STMN2: variants seen among roughly 807,000 people sequenced by gnomAD.
STMN2 encodes the protein stathmin-2.
A neutral mutation model predicts 24.1 loss-of-function variants in STMN2; 2 were observed. The observed-to-expected ratio is 0.08, with a 90% CI of 0.03 to 0.26. The LOEUF (loss-of-function observed/expected upper bound fraction) is 0.26. Among genes scored for constraint, STMN2 ranks in the 10% least tolerant of loss-of-function variants. The pLI is 1.00. For missense variants in STMN2, 114 were observed against 213.6 expected (o/e 0.53, Z 2.91); for synonymous variants, 83 against 77.5 (o/e 1.07, Z -0.37).
intron 1 of STMN2, among the ~76,000 whole-genome samples, chr8:79,614,017 A>G (rs1809319921): frequency 6.6e-6 from 1 of 152,176 alleles, no homozygotes; most frequent in Non-Finnish European, 1.5e-5. Context: ...TTTATGCACA[A>G]AATTTTAAGT....
chr8:79,632,119 G>A (rs926706446), intron 1 of STMN2, among the ~76,000 whole-genome samples: 3 of 152,176 alleles, frequency 2.0e-5, no homozygotes, highest in Non-Finnish European at 4.4e-5. Flanking sequence ...GGACTGCAGG[G>A]TCCATAGCTA....
intron 1 of STMN2, among the ~76,000 whole-genome samples, chr8:79,616,836 C>T (rs1344938894): frequency 1.3e-5 from 2 of 152,028 alleles, no homozygotes; most frequent in Non-Finnish European, 2.9e-5. Context: ...CGGCAGAAGA[C>T]CTTCGAGAGA....
In STMN2 at chr8:79,623,782, TA is replaced by T. The variant is rs557244487; in HGVS notation, c.19+12579del. On this transcript the variant is annotated intron_variant, in intron 1 of 4. Transcript: ENST00000220876. ...ACTAAGCAGGAGAGTTCAGCTTATT[TA>T]AAAAAAAAAATAAACTCTAATGAGG... 3.0e-3 allele frequency among the ~76,000 whole-genome samples: 448 copies of T among 147,824 alleles called. 1 individual carries two copies. The highest frequency in any genetic ancestry group is 8.7e-3 in the African/African-American group (353 of 40,524).
intron 1 of STMN2, among the ~76,000 whole-genome samples, chr8:79,629,049 T>A (rs187089177): frequency 2.8e-4 from 43 of 152,312 alleles, no homozygotes; most frequent in Admixed American, 1.8e-3. Context: ...ATTTTCAATG[T>A]CATATCTAGG....
At chr8:79,637,085 TAAC>T (rs147921963) in intron 2 of STMN2, among the ~76,000 whole-genome samples, 188 bp downstream of exon 2, 3,559 of 152,320 alleles carry the variant, frequency 0.023, 66 homozygotes, top group Middle Eastern at 0.088. Flanking sequence ...TTGGTGCTAA[TAAC>T]AACACATCAA....
At chr8:79,662,007 G>T (rs1233490949) in intron 4 of STMN2, among the ~76,000 whole-genome samples, 2 of 152,092 alleles carry the variant, frequency 1.3e-5, no homozygotes, top group African/African-American at 2.4e-5. Context: ...AGGTCATATA[G>T]TCCAAGTCCT....
intron 1 of STMN2, among the ~76,000 whole-genome samples, chr8:79,625,994 G>C (rs1463446445): frequency 6.8e-6 from 1 of 146,544 alleles, no homozygotes; most frequent in Non-Finnish European, 1.5e-5. Context: ...ATAAAATAAA[G>C]ATCAATTTGG....
intron 1 of STMN2, chr8:79,631,369 G>A: frequency 1.1e-6 from 1 of 912,616 alleles, no homozygotes. Context: ...TAATGCTTTG[G>A]TTGGTCAAAA....
At chr8:79,613,517 G>A (rs1174581684) in intron 1 of STMN2, 16 of 985,394 alleles carry the variant, frequency 1.6e-5, no homozygotes, top group Middle Eastern at 5.2e-4. Flanking sequence ...GGTGGTGGGG[G>A]CGATCTCGCC....
intron 1 of STMN2, chr8:79,613,807 T>G (rs956398298): frequency 4.1e-6 from 4 of 985,394 alleles, no homozygotes; most frequent in Non-Finnish European, 3.6e-6. Flanking sequence ...GCAAATATAT[T>G]TTTGCTTCCT....
At chr8:79,657,516 A>G (rs913402671) in intron 4 of STMN2, among the ~76,000 whole-genome samples, 9 of 152,208 alleles carry the variant, frequency 5.9e-5, no homozygotes, top group African/African-American at 1.2e-4. Context: ...TAGTTCCAAT[A>G]TGCAGCCAGA....
At chr8:79,613,656 C>T (rs1441663752) in intron 1 of STMN2, 2 of 985,454 alleles carry the variant, frequency 2.0e-6, no homozygotes, top group Non-Finnish European at 2.4e-6. Context: ...TGTTTGTTCT[C>T]ATTTGTTCAA....
chr8:79,633,575 G>A (rs753567642), intron 1 of STMN2, among the ~76,000 whole-genome samples: 141 of 152,096 alleles, frequency 9.3e-4, no homozygotes, highest in Non-Finnish European at 1.5e-3. Context: ...TTCTAGTTAG[G>A]GCCTACTTTG....
rs1042211495 is a variant in STMN2, at chr8:79,615,826, C to G, written c.19+4612C>G. Among the ~76,000 whole-genome samples the G allele has an allele frequency of 3.3e-5, 5 of 152,046 alleles. No homozygotes were observed. The East Asian group carries it at 9.6e-4, about 29-fold the overall frequency. On this transcript the variant is annotated intron_variant, in intron 1 of 4. Transcript: ENST00000220876. ...TCATAATCTGAAAGTAGATACACGC[C>G]CTGGTTAATTATTCCCTGATGGTTT...
At chr8:79,615,428 G>T (rs1422883587) in intron 1 of STMN2, among the ~76,000 whole-genome samples, 2 of 152,120 alleles carry the variant, frequency 1.3e-5, no homozygotes, top group Non-Finnish European at 2.9e-5. Context: ...TTTTTTGGTC[G>T]TGGGAAGAAA....
At chr8:79,646,078 C>G (rs1810211367) in intron 3 of STMN2, among the ~76,000 whole-genome samples, 1 of 152,016 alleles carries the variant, frequency 6.6e-6, no homozygotes, top group Non-Finnish European at 1.5e-5. Flanking sequence ...TAAATAATAA[C>G]TTTCAGGGCC....
chr8:79,620,902 C>T, intron 1 of STMN2: 1 of 936,788 alleles, frequency 1.1e-6, no homozygotes, highest in Non-Finnish European at 1.3e-6. Flanking sequence ...TTCTAACAAG[C>T]TCCCAGGTGG....
chr8:79,647,114 C>T (rs1305954826), intron 3 of STMN2, among the ~76,000 whole-genome samples: 1 of 152,134 alleles, frequency 6.6e-6, no homozygotes, highest in Non-Finnish European at 1.5e-5. Context: ...ATTTTCGTTG[C>T]CCTGGACCCA....
intron 1 of STMN2, among the ~76,000 whole-genome samples, chr8:79,616,182 T>C (rs1809378495): frequency 6.6e-6 from 1 of 152,206 alleles, no homozygotes; most frequent in Non-Finnish European, 1.5e-5. Flanking sequence ...CTTCTAAGTC[T>C]GTCTTTCTTT....
Sources: gnomAD v4.1 joint callset for allele counts (sites outside exome capture counted in the v4.1 genomes callset) on GRCh38, gnomAD v4.1.1 for gene constraint, MANE v1.5 for transcripts, NCBI Gene and HGNC (gene_info 2026-07-23, HGNC 2026-07-21) for gene names.